TENT4B: variants seen among roughly 807,000 people sequenced by gnomAD.
TENT4B encodes terminal nucleotidyltransferase 4B, also known as PAP associated domain containing 5.
In TENT4B, 10 loss-of-function variants were observed where a neutral mutation model predicts 75.0. The observed-to-expected ratio is 0.13, with a 90% CI of 0.08 to 0.23. The LOEUF is 0.23. Ranked by LOEUF, TENT4B falls within the 10% of genes least tolerant of loss-of-function variation. The pLI, the probability that TENT4B is intolerant of heterozygous loss-of-function variation, is 1.00. For synonymous variants in TENT4B, 350 were observed against 357.7 expected (o/e 0.98, Z 0.24); for missense variants, 579 against 893.8 (o/e 0.65, Z 4.49).
intron 1 of TENT4B, among the ~76,000 whole-genome samples, chr16:50,196,935 CA>C (rs35266966): frequency 0.025 from 3,379 of 137,778 alleles, 98 homozygotes; most frequent in African/African-American, 0.079. Context: ...AACCCTGTCT[CA>C]AAAAAAAAAA....
chr16:50,153,840 C>G lies in TENT4B; in HGVS notation c.219C>G (p.Ala73=). The part of the protein sequence containing the change: ...GSSTGSPGGA[A]SAPAPAPAGM... ...GCACCGGCAGCCCCGGCGGCGCGGC[C>G]TCGGCCCCGGCCCCGGCCCCGGCCG... The change falls in exon 1 of 12, where the codon GCC becomes GCG. Residue 73 remains alanine (A), a synonymous_variant. Transcript: ENST00000561678. 7.8e-7 allele frequency: 1 copy of G among 1,274,466 alleles called. No individual in the cohort carries two copies. Among genetic ancestry groups the G allele is most frequent in the East Asian group, 3.2e-5 (1 of 31,640 alleles). 78.9% of individuals were successfully genotyped at this position (1,274,466 alleles called of 1,614,324 possible).
intron 5 of TENT4B, among the ~76,000 whole-genome samples, 148 bp from the exon 6 acceptor site, chr16:50,222,153 CTTTTT>C (rs919014878): frequency 6.6e-6 from 1 of 151,936 alleles, no homozygotes; most frequent in Admixed American, 6.6e-5. Flanking sequence ...CTATAGTTTA[CTTTTT>C]TTTAATAGCT....
chr16:50,154,417 C>T (rs1017535557), intron 1 of TENT4B, among the ~76,000 whole-genome samples, 158 bp downstream of exon 1: 16 of 152,218 alleles, frequency 1.1e-4, no homozygotes, highest in South Asian at 6.2e-4. Context: ...CCCAACCCCC[C>T]AGTCGTTCAC....
intron 1 of TENT4B, among the ~76,000 whole-genome samples, chr16:50,161,145 T>G (rs555765281): frequency 2.5e-4 from 38 of 152,326 alleles, no homozygotes; most frequent in South Asian, 6.2e-4. Flanking sequence ...TTGAGTTTGT[T>G]TCACTATTCT....
chr16:50,235,058 A>G lies in TENT4B; in HGVS notation c.*5730A>G. ...AATTTACCAGAAAAAGATATTTGAT[A>G]CAAGTGATTTAAGAAATCTCAACAT... On this transcript the variant is annotated 3_prime_UTR_variant, in exon 12 of 12. Transcript: ENST00000561678. 1.0e-6 allele frequency: 1 copy of G among 984,646 alleles called. No individual in the cohort carries two copies. The highest frequency in any genetic ancestry group is 1.2e-6 in the Non-Finnish European group (1 of 828,840). The allele number at this position is 984,646 out of a possible 1,614,324, so 61.0% of individuals were successfully genotyped here.
At chr16:50,187,833 T>C (rs2150705126) in intron 1 of TENT4B, among the ~76,000 whole-genome samples, 1 of 152,036 alleles carries the variant, frequency 6.6e-6, no homozygotes, top group South Asian at 2.1e-4. Context: ...GAGACCAGCC[T>C]GGGCAATATA....
chr16:50,154,034 C>A lies in TENT4B; in HGVS notation c.413C>A (p.Ser138Tyr). ...TCCTCGCCTCCCTCGGCGTCCTCGTCCCCGCACCCTTCGGCCGCCGTCCCC... is the reference window on the plus strand; with the variant it reads ...TCCTCGCCTCCCTCGGCGTCCTCGTACCCGCACCCTTCGGCCGCCGTCCCC... ...SASSPPSASS[S>Y]PHPSAAVPAA... The change falls in exon 1 of 12, where the codon TCC becomes TAC. Residue 138 changes from serine to tyrosine, a missense_variant. Around this residue, in one of 7 missense-constraint regions of TENT4B, gnomAD observed 253 missense variants for 270.1 expected, o/e 0.94. Transcript: ENST00000561678. 6.5e-7 allele frequency: 1 copy of A among 1,532,748 alleles called. No homozygotes were observed. The highest frequency in any genetic ancestry group is 8.7e-7 in the Non-Finnish European group (1 of 1,145,496). The allele number at this position is 1,532,748 out of a possible 1,614,324, so 94.9% of individuals were successfully genotyped here.
intron 1 of TENT4B, among the ~76,000 whole-genome samples, chr16:50,159,985 A>G (rs1246887142): frequency 1.3e-5 from 2 of 151,990 alleles, no homozygotes; most frequent in African/African-American, 4.8e-5. Flanking sequence ...TGCAACTTCA[A>G]CACTCCTGGG....
intron 1 of TENT4B, among the ~76,000 whole-genome samples, chr16:50,194,216 C>CTTTTTTTTTTTT (rs5816679): frequency 5.7e-5 from 8 of 139,814 alleles, no homozygotes; most frequent in Non-Finnish European, 9.1e-5. Context: ...TCTTTTCTTT[C>CTTTTTTTTTTTT]TTTTTTTTTT....
intron 5 of TENT4B, among the ~76,000 whole-genome samples, chr16:50,218,641 C>T (rs1237665845): frequency 6.6e-6 from 1 of 152,044 alleles, no homozygotes; most frequent in Non-Finnish European, 1.5e-5. Context: ...CGTGAGCCAC[C>T]GTGCCCAGCT....
In TENT4B at chr16:50,190,037, C is replaced by T. The variant is rs185222387; in HGVS notation, c.639-21286C>T. Reference sequence around the variant, plus strand: ...ATTGCAGTGAGCTGAGATTGTGCCACTGCACTCCAGCCTAGGCAACAGAGT... The same window carrying T: ...ATTGCAGTGAGCTGAGATTGTGCCATTGCACTCCAGCCTAGGCAACAGAGT... On this transcript the variant is annotated intron_variant, in intron 1 of 11. Transcript: ENST00000561678. Among the ~76,000 whole-genome samples the T allele has an allele frequency of 1.1e-3, 157 of 144,634 alleles. 5 individuals carry two copies. Among genetic ancestry groups the T allele is most frequent in the African/African-American group, 4.0e-3 (153 of 38,140 alleles). 94.9% of individuals were successfully genotyped at this position (144,634 alleles called of 152,430 possible).
Position 50,233,406 on chromosome 16 carries a change from G to A in TENT4B, c.*4078G>A, listed in dbSNP as rs1483136279. On this transcript the variant is annotated 3_prime_UTR_variant, in exon 12 of 12. Transcript: ENST00000561678. ...TAAGAAGCCAGATTTTACTGTAGAA[G>A]TTATTTACATGATTTGAAAACTTGA... is the stretch of plus-strand genomic sequence containing the variant. 1.0e-6 allele frequency: 1 copy of A among 985,136 alleles called. No individual in the cohort carries two copies. Among genetic ancestry groups the A allele is most frequent in the African/African-American group, 1.7e-5 (1 of 57,170 alleles). 61.0% of individuals were successfully genotyped at this position (985,136 alleles called of 1,614,324 possible). A position where few individuals can be genotyped will look rare whatever the true frequency, so the allele number is the denominator to read the frequency against.
intron 7 of TENT4B, 71 bp from the exon 8 acceptor site, chr16:50,224,586 A>C: frequency 2.7e-5 from 43 of 1,580,506 alleles, no homozygotes; most frequent in Non-Finnish European, 3.7e-5. Context: ...CTCTCCTGGA[A>C]GAGAGTCATC....
chr16:50,218,335 C>CTT (rs1005516533), intron 5 of TENT4B, among the ~76,000 whole-genome samples: 1 of 147,010 alleles, frequency 6.8e-6, no homozygotes, highest in African/African-American at 2.5e-5. Flanking sequence ...GTGAGCTGCA[C>CTT]TTTTTTTTTT....
intron 1 of TENT4B, among the ~76,000 whole-genome samples, chr16:50,198,417 TAAAA>T (rs72219443): frequency 9.7e-5 from 13 of 133,922 alleles, no homozygotes; most frequent in African/African-American, 1.1e-4. Context: ...AGACTCTGTC[TAAAA>T]AAAAAAAAAA....
rs2032116572 is a variant in TENT4B, at chr16:50,227,718, T to C, written c.1801-121T>C. The C allele has an allele frequency of 6.4e-6, 7 of 1,085,346 alleles. No individual in the cohort carries two copies. The East Asian group carries it at 1.5e-4, about 24-fold the overall frequency. 67.2% of individuals were successfully genotyped at this position (1,085,346 alleles called of 1,614,324 possible). On this transcript the variant is annotated intron_variant, in intron 10 of 11. Transcript: ENST00000561678. ...ACAGTTAATTTTTTGTGTGCTTCTT[T>C]TAACTCCCAAATGTTTAAATTTAGT...
chr16:50,157,938 G>T (rs76629694), intron 1 of TENT4B, among the ~76,000 whole-genome samples: 9,500 of 151,016 alleles, frequency 0.063, 476 homozygotes, highest in African/African-American at 0.14. Flanking sequence ...GCTCATTTTG[G>T]TTTTTTTTGT....
chr16:50,182,172 C>T (rs915481424), intron 1 of TENT4B, among the ~76,000 whole-genome samples: 7 of 151,926 alleles, frequency 4.6e-5, no homozygotes, highest in Non-Finnish European at 1.0e-4. Context: ...TAGGCTGAGG[C>T]GGGAGGATCG....
At chr16:50,225,970 C>G (rs1355685124) in intron 10 of TENT4B, among the ~76,000 whole-genome samples, 1 of 151,216 alleles carries the variant, frequency 6.6e-6, no homozygotes, top group East Asian at 2.0e-4. Flanking sequence ...GCATGAGCCA[C>G]CACACCTGGC....
Sources: allele counts gnomAD v4.1 joint callset (sites outside exome capture counted in the v4.1 genomes callset), GRCh38; gene constraint gnomAD v4.1.1; regional missense constraint gnomAD v4.1.1; transcripts MANE v1.5; gene names NCBI Gene and HGNC (gene_info 2026-07-23, HGNC 2026-07-21).